Variants in TJP1 observed in about 807,000 individuals in gnomAD.
TJP1 encodes tight junction protein 1, also known as tight junction protein ZO-1.
Under a neutral mutation model 194.2 loss-of-function variants are expected in TJP1, and 43 were observed. The ratio of observed to expected loss-of-function variants is 0.22; its 90% CI spans 0.17 to 0.29. The LOEUF is 0.29. Ranked by LOEUF, TJP1 falls within the 10% of genes least tolerant of loss-of-function variation. TJP1 has a pLI of 1.00. For missense variants in TJP1, 1,971 were observed against 2,185.7 expected (o/e 0.90, Z 1.96); for synonymous variants, 801 against 779.0 (o/e 1.03, Z -0.47).
At chr15:29,965,946 T>C (rs1451518338) in intron 1 of TJP1, among the ~76,000 whole-genome samples, 1 of 152,174 alleles carries the variant, frequency 6.6e-6, no homozygotes, top group Non-Finnish European at 1.5e-5. Context: ...GCCTCTTGCC[T>C]TTTCCAGGCC....
intron 23 of TJP1, among the ~76,000 whole-genome samples, chr15:29,714,538 T>A (rs908520164): frequency 2.5e-4 from 18 of 71,780 alleles, no homozygotes; most frequent in Admixed American, 1.3e-3. Flanking sequence ...GCGCCCAGCC[T>A]TTTTTTTTTT....
At chr15:29,919,348 C>T (rs1360249968) in intron 2 of TJP1, among the ~76,000 whole-genome samples, 1 of 152,156 alleles carries the variant, frequency 6.6e-6, no homozygotes, top group Non-Finnish European at 1.5e-5. Context: ...TCTGGCCTCA[C>T]ACTATGGGTC....
At position 29,734,395 on chromosome 15, in the gene TJP1, A is replaced by G. The variant is rs1484181700; in HGVS notation, c.1408-13T>C. 1.3e-6 allele frequency: 2 copies of G among 1,568,420 alleles called. No homozygotes were observed. Among genetic ancestry groups the G allele is most frequent in the Admixed American group, 1.7e-5 (1 of 58,226 alleles). ...CTACGTTGTTTACCTAATAAATAAG[A>G]TTTCATAAATCATTCTTGGCTGTTT... On this transcript the variant is annotated splice_polypyrimidine_tract_variant and intron_variant, in intron 11 of 27. Transcript: ENST00000614355.
intron 21 of TJP1, 39 bp downstream of exon 21, chr15:29,718,227 G>T: frequency 6.3e-7 from 1 of 1,598,908 alleles, no homozygotes; most frequent in Non-Finnish European, 8.5e-7. Context: ...CCTTTTAAAC[G>T]GTGTGCCCAT....
At chr15:29,917,549 C>A (rs1479393913) in intron 2 of TJP1, among the ~76,000 whole-genome samples, 2 of 152,264 alleles carry the variant, frequency 1.3e-5, no homozygotes, top group Non-Finnish European at 2.9e-5. Flanking sequence ...ATAGCAGAGG[C>A]TACAGAGGGG....
chr15:29,714,239 T>A (rs118002899), intron 23 of TJP1, among the ~76,000 whole-genome samples: 2 of 152,148 alleles, frequency 1.3e-5, no homozygotes, highest in African/African-American at 4.8e-5. Flanking sequence ...TAGACCTAAA[T>A]ATACTCCTTT....
intron 2 of TJP1, among the ~76,000 whole-genome samples, chr15:29,783,134 C>CGTG (rs1204819693): frequency 6.6e-6 from 1 of 151,936 alleles, no homozygotes; most frequent in African/African-American, 2.4e-5. Flanking sequence ...ATTAGCCAGG[C>CGTG]GTGGTGGTGC....
chr15:29,947,973 T>C (rs2055340383), intron 2 of TJP1, among the ~76,000 whole-genome samples: 1 of 152,162 alleles, frequency 6.6e-6, no homozygotes, highest in African/African-American at 2.4e-5. Flanking sequence ...TTACTTTAAA[T>C]GACAATCATT....
In TJP1 at chr15:29,701,318, C is replaced by A; in HGVS notation, c.*277G>T. ...ACGGAAATCAATATGTGAAGTTAAG[C>A]AGTGACGATAAAAAAATTACAAAAA... On this transcript the variant is annotated 3_prime_UTR_variant, in exon 28 of 28. Transcript: ENST00000614355. 3.0e-6 allele frequency: 1 copy of A among 335,008 alleles called. No homozygotes were observed. The highest frequency in any genetic ancestry group is 7.7e-5 in the South Asian group (1 of 12,912). The allele number at this position is 335,008 out of a possible 1,614,324, so 20.8% of individuals were successfully genotyped here.
intron 2 of TJP1, among the ~76,000 whole-genome samples, chr15:29,920,980 A>C (rs1381782221): frequency 6.6e-6 from 1 of 152,330 alleles, no homozygotes; most frequent in South Asian, 2.1e-4. Context: ...GGACAGATGG[A>C]TGGATCGGCA....
intron 8 of TJP1, among the ~76,000 whole-genome samples, chr15:29,750,749 C>CA (rs957889817): frequency 3.3e-5 from 5 of 152,164 alleles, no homozygotes; most frequent in African/African-American, 1.2e-4. Context: ...CTCCCCATTA[C>CA]AAATTAAAGA....
chr15:29,908,919 C>A (rs1034058239), intron 2 of TJP1, among the ~76,000 whole-genome samples: 1 of 152,050 alleles, frequency 6.6e-6, no homozygotes, highest in African/African-American at 2.4e-5. Flanking sequence ...CTTTGGGAGG[C>A]CAAGGCGGGC....
At chr15:29,836,149 C>CT (rs2051020368) in intron 2 of TJP1, among the ~76,000 whole-genome samples, 1 of 152,118 alleles carries the variant, frequency 6.6e-6, no homozygotes, top group Non-Finnish European at 1.5e-5. Context: ...GTGTGAGCAG[C>CT]TTGGTACACT....
chr15:29,891,421 G>A (rs2053304618), intron 2 of TJP1, among the ~76,000 whole-genome samples: 1 of 152,188 alleles, frequency 6.6e-6, no homozygotes, highest in Non-Finnish European at 1.5e-5. Flanking sequence ...TCCCTGAATG[G>A]TAGTTTGTCT....
At chr15:29,804,590 G>T (rs191176142) in intron 1 of TJP1, among the ~76,000 whole-genome samples, 20 of 152,226 alleles carry the variant, frequency 1.3e-4, no homozygotes, top group African/African-American at 3.6e-4. Flanking sequence ...CAGGTAGGAG[G>T]AGTCTCACTT....
intron 2 of TJP1, among the ~76,000 whole-genome samples, chr15:29,935,031 A>T (rs1226094990): frequency 6.6e-6 from 1 of 152,222 alleles, no homozygotes; most frequent in Non-Finnish European, 1.5e-5. Context: ...ATATCTGGAG[A>T]GTGACTGTCA....
chr15:29,780,602 A>G (rs1239131619), intron 2 of TJP1, among the ~76,000 whole-genome samples: 1 of 152,172 alleles, frequency 6.6e-6, no homozygotes, highest in Non-Finnish European at 1.5e-5. Context: ...TAAAGTTACT[A>G]TATAATGGAT....
intron 25 of TJP1, among the ~76,000 whole-genome samples, chr15:29,706,407 T>A (rs1487048139): frequency 6.6e-6 from 1 of 152,138 alleles, no homozygotes; most frequent in Admixed American, 6.5e-5. Context: ...ATCCCTAACC[T>A]GAAAATCTGA....
intron 2 of TJP1, among the ~76,000 whole-genome samples, chr15:29,950,273 T>A (rs1489046128): frequency 7.8e-6 from 1 of 128,636 alleles, no homozygotes; most frequent in Non-Finnish European, 1.7e-5. Context: ...GACCACCACC[T>A]CCACTTCCAC....
Sources: allele counts gnomAD v4.1 joint callset (sites outside exome capture counted in the v4.1 genomes callset), GRCh38; gene constraint gnomAD v4.1.1; transcripts MANE v1.5; gene names NCBI Gene and HGNC (gene_info 2026-07-23, HGNC 2026-07-21).